MYT1: variants seen among roughly 807,000 people sequenced by gnomAD.
The protein encoded by MYT1 is myelin transcription factor 1.
MYT1 carries 23 observed loss-of-function variants against 123.0 expected under a neutral mutation model. The ratio of observed to expected loss-of-function variants is 0.19; its 90% CI spans 0.13 to 0.26. The LOEUF (loss-of-function observed/expected upper bound fraction) is 0.26, where lower values mean the gene tolerates loss of function less well. Among genes scored for constraint, MYT1 ranks in the 10% least tolerant of loss-of-function variants. The probability of loss-of-function intolerance (pLI) is 1.00; values close to 1 mark genes in which losing one functional copy is unlikely to be tolerated. For missense variants in MYT1, 1,125 were observed against 1,472.5 expected (o/e 0.76, Z 3.86); for synonymous variants, 518 against 575.3 (o/e 0.90, Z 1.43).
intron 13 of MYT1, 139 bp from the exon 14 acceptor site, chr20:64,221,754 C>A (rs1984009605): frequency 1.2e-6 from 1 of 846,750 alleles, no homozygotes; most frequent in Non-Finnish European, 1.8e-6. Flanking sequence ...AGTCTTCCTC[C>A]CTTATCCAGA....
chr20:64,225,769 C>A (rs1984152587), intron 16 of MYT1, among the ~76,000 whole-genome samples: 1 of 152,122 alleles, frequency 6.6e-6, no homozygotes, highest in South Asian at 2.1e-4. Flanking sequence ...ACACCTGCTC[C>A]TCTGACTATG....
rs565012212 is a variant in MYT1, at chr20:64,199,439, C to T, written c.56-453C>T. On this transcript the variant is annotated intron_variant, in intron 3 of 22. Transcript: ENST00000328439. ...GGTGTGCCTGCCCCGGTCAGAGCCC[C>T]GTGCATCTTGGCAGCCATCACTGAA... 4.1e-4 allele frequency among the ~76,000 whole-genome samples: 62 copies of T among 152,316 alleles called. 1 individual carries two copies. The South Asian group carries it at 0.012, about 30-fold the overall frequency.
In MYT1 at chr20:64,185,180, G is replaced by C. The variant is rs140560512; in HGVS notation, c.-98-4883G>C. On this transcript the variant is annotated intron_variant, in intron 1 of 22. Transcript: ENST00000328439. This position sits in a 1 kb window ranked among gnomAD's most constrained non-coding sequence, Gnocchi z 4.5. ...GCCAGTTGAAGAGTTGGGAAGAGTA[G>C]TTCAATATTCCAGAAGAATGGAGGG... Among the ~76,000 whole-genome samples, 243 of 152,336 alleles carry C rather than the reference G, an allele frequency of 1.6e-3. No individual in the cohort carries two copies. The highest frequency in any genetic ancestry group is 5.7e-3 in the African/African-American group (235 of 41,564).
chr20:64,194,754 G>A (rs765915161), intron 2 of MYT1, among the ~76,000 whole-genome samples: 1 of 152,210 alleles, frequency 6.6e-6, no homozygotes, highest in African/African-American at 2.4e-5. Context: ...CAGCCTCTGG[G>A]GGCAAAGGTG....
intron 1 of MYT1, among the ~76,000 whole-genome samples, chr20:64,171,719 C>G (rs985919642): frequency 6.9e-6 from 1 of 145,228 alleles, no homozygotes; most frequent in African/African-American, 2.6e-5. Context: ...CTGGAGGAAC[C>G]CAAACCCTAA....
At chr20:64,234,525 G>A (rs908235958) in intron 19 of MYT1, among the ~76,000 whole-genome samples, 11 of 152,242 alleles carry the variant, frequency 7.2e-5, no homozygotes, top group African/African-American at 2.4e-4. Context: ...TTTGGCCATA[G>A]GGAGGCCCTC....
intron 19 of MYT1, among the ~76,000 whole-genome samples, chr20:64,236,002 G>A (rs1259460745): frequency 3.1e-5 from 4 of 130,532 alleles, no homozygotes; most frequent in Admixed American, 7.3e-5. Context: ...TGGGCTGGCC[G>A]CGGTGGGTGA....
rs956501040 is a variant in MYT1, at chr20:64,167,743, C to T, written c.-99+3004C>T. Among the ~76,000 whole-genome samples the T allele has an allele frequency of 3.3e-5, 5 of 152,230 alleles. No individual in the cohort carries two copies. The highest frequency in any genetic ancestry group is 1.2e-4 in the African/African-American group (5 of 41,452). ...TCTTCTCTTTCTTCCTCTCTCCCAT[C>T]TTCCTCATCTTAGATCCTCCCCCTC... On this transcript the variant is annotated intron_variant, in intron 1 of 22. Transcript: ENST00000328439. The surrounding 1 kb of genome is among the most constrained non-coding windows in gnomAD (Gnocchi z 6.3).
At chr20:64,223,592 G>T (rs1984076948) in intron 16 of MYT1, among the ~76,000 whole-genome samples, 1 of 152,174 alleles carries the variant, frequency 6.6e-6, no homozygotes, top group African/African-American at 2.4e-5. Flanking sequence ...TCCGCTGGGG[G>T]CTAGGGGTCG....
At chr20:64,220,559 A>G (rs1983970649) in intron 13 of MYT1, among the ~76,000 whole-genome samples, 1 of 152,186 alleles carries the variant, frequency 6.6e-6, no homozygotes, top group South Asian at 2.1e-4. Flanking sequence ...TGAAAGAAGA[A>G]TCCTCCGAGG....
intron 1 of MYT1, among the ~76,000 whole-genome samples, chr20:64,180,695 C>T (rs1326802089): frequency 6.6e-6 from 1 of 152,256 alleles, no homozygotes; most frequent in Non-Finnish European, 1.5e-5. Flanking sequence ...CTCCCTGTGG[C>T]TCCAGAACTG....
intron 10 of MYT1, 51 bp from the exon 11 acceptor site, chr20:64,217,016 G>T (rs1983856749): frequency 1.0e-5 from 16 of 1,560,690 alleles, no homozygotes; most frequent in Non-Finnish European, 1.3e-5. Flanking sequence ...GGGTGGCACG[G>T]GATCCCCAGG....
chr20:64,238,777 C>T (rs1468902692), intron 21 of MYT1, among the ~76,000 whole-genome samples: 1 of 152,180 alleles, frequency 6.6e-6, no homozygotes. Context: ...CCTCTGATTT[C>T]TTTTTATTTG....
In MYT1 at chr20:64,240,419, A is replaced by C; in HGVS notation, c.3337A>C (p.Lys1113Gln). ...GAACAAGGACCTCCTGGAGAGCATC[A>C]AGCAGGCTGTGAGGGGCATCCAGGT... ...PENKDLLESI[K>Q]QAVRGIQV Residue 1113 changes from lysine (K) to glutamine (Q), a missense_variant, in exon 23 of 23, where the codon AAG becomes CAG. By Grantham distance (53) the Lys-to-Gln change is moderately conservative. This residue lies in a region of MYT1 where 243 missense variants were observed against 323.1 expected (regional missense o/e 0.75). Transcript: ENST00000328439. The C allele has an allele frequency of 6.2e-7, 1 of 1,613,718 alleles. No homozygotes were observed.
At chr20:64,209,147 G>A (rs573726957) in intron 7 of MYT1, among the ~76,000 whole-genome samples, 38 of 152,344 alleles carry the variant, frequency 2.5e-4, no homozygotes, top group Non-Finnish European at 4.4e-4. Context: ...AGCTGATGTG[G>A]TTGGGGAGCA....
intron 6 of MYT1, among the ~76,000 whole-genome samples, chr20:64,206,987 A>G (rs1048435248): frequency 1.3e-5 from 2 of 152,162 alleles, no homozygotes; most frequent in African/African-American, 2.4e-5. Flanking sequence ...ATTTACTGCA[A>G]TCTCCTCCTC....
Position 64,168,044 on chromosome 20 carries a change from A to T in MYT1, c.-99+3305A>T, listed in dbSNP as rs1982137047. ...CTGGGGAGCCCACTGCCCAGCCCGG[A>T]GTGTCTGCTGGAGGCCTGGGGGGTG... is the stretch of plus-strand genomic sequence containing the variant. On this transcript the variant is annotated intron_variant, in intron 1 of 22. Transcript: ENST00000328439. This position sits in a 1 kb window ranked among gnomAD's most constrained non-coding sequence, Gnocchi z 6.1. Among the ~76,000 whole-genome samples, 1 of 152,174 alleles carries T rather than the reference A, an allele frequency of 6.6e-6. No individual in the cohort carries two copies. The highest frequency in any genetic ancestry group is 2.4e-5 in the African/African-American group (1 of 41,444).
chr20:64,200,376 C>T (rs576155748), intron 4 of MYT1, among the ~76,000 whole-genome samples: 4 of 152,306 alleles, frequency 2.6e-5, no homozygotes, highest in East Asian at 1.9e-4. Flanking sequence ...GCTGATGACC[C>T]GGCTGGCTGA....
intron 5 of MYT1, 37 bp downstream of exon 5, chr20:64,205,134 C>T (rs1345482691): frequency 2.8e-5 from 45 of 1,608,414 alleles, no homozygotes; most frequent in African/African-American, 1.2e-4. Flanking sequence ...GATTCCTGGG[C>T]GGTAGATTTG....
Sources: allele counts gnomAD v4.1 joint callset (sites outside exome capture counted in the v4.1 genomes callset), GRCh38; gene constraint gnomAD v4.1.1; regional missense constraint gnomAD v4.1.1; non-coding constraint Gnocchi (gnomAD v3.1); transcripts MANE v1.5; gene names NCBI Gene and HGNC (gene_info 2026-07-23, HGNC 2026-07-21).